Variants in IQCH observed in about 807,000 individuals in gnomAD.
IQCH encodes the protein IQ motif containing H.
IQCH carries 98 observed loss-of-function variants against 117.0 expected under a neutral mutation model. That is an observed-to-expected ratio of 0.84 (90% CI 0.71 to 0.99). The LOEUF is 0.99. IQCH is among the 50% of genes least tolerant of loss of function. The pLI is 0.00. For synonymous variants in IQCH, 412 were observed against 448.2 expected (o/e 0.92, Z 1.02); for missense variants, 1,102 against 1,243.8 (o/e 0.89, Z 1.72).
At chr15:67,379,070 T>C (rs1403616236) in intron 10 of IQCH, among the ~76,000 whole-genome samples, 1 of 152,208 alleles carries the variant, frequency 6.6e-6, no homozygotes, top group African/African-American at 2.4e-5. Context: ...ATAATTGTTT[T>C]CTAAAACAAA....
intron 4 of IQCH, among the ~76,000 whole-genome samples, chr15:67,303,182 G>T (rs1967136292): frequency 6.6e-6 from 1 of 152,124 alleles, no homozygotes; most frequent in Non-Finnish European, 1.5e-5. Flanking sequence ...TTTTTAAAAA[G>T]TTGCGAAGCC....
chr15:67,447,996 G>A lies in IQCH; in HGVS notation c.2506-17131G>A, dbSNP rs1030575616. ...TAGCAGGTATTTTCTACCCATACAT[G>A]GCAAAGCTTTTTAAGGTTTAGACTA... On this transcript the variant is annotated intron_variant, in intron 16 of 20. Transcript: ENST00000335894. The surrounding 1 kb of genome is among the most constrained non-coding windows in gnomAD (Gnocchi z 5.3). Among the ~76,000 whole-genome samples, 6 of 152,022 alleles carry A rather than the reference G, an allele frequency of 3.9e-5. No homozygotes were observed. Among genetic ancestry groups the A allele is most frequent in the Non-Finnish European group, 5.9e-5 (4 of 68,010 alleles).
chr15:67,498,888 TAA>T (rs763290460), intron 20 of IQCH, among the ~76,000 whole-genome samples: 33 of 152,208 alleles, frequency 2.2e-4, no homozygotes, highest in Admixed American at 4.6e-4. Flanking sequence ...ATATATCTGG[TAA>T]GGCATAGTAT....
At chr15:67,444,694 T>C (rs1215195293) in intron 16 of IQCH, among the ~76,000 whole-genome samples, 1 of 152,216 alleles carries the variant, frequency 6.6e-6, no homozygotes, top group Non-Finnish European at 1.5e-5. Context: ...TTCTTATAAT[T>C]AGCTTGATAA....
intron 4 of IQCH, among the ~76,000 whole-genome samples, chr15:67,333,576 A>AT (rs1968763576): frequency 6.6e-6 from 1 of 152,120 alleles, no homozygotes; most frequent in African/African-American, 2.4e-5. Flanking sequence ...TGTCTTTTGT[A>AT]TTTCTACACT....
At chr15:67,312,383 G>T (rs1294745527) in intron 4 of IQCH, among the ~76,000 whole-genome samples, 1 of 152,086 alleles carries the variant, frequency 6.6e-6, no homozygotes, top group African/African-American at 2.4e-5. Context: ...TTGCCAAAGG[G>T]GTTCACGACG....
At position 67,490,744 on chromosome 15, in the gene IQCH, T is replaced by C. The variant is rs2083628507; in HGVS notation, c.2861+680T>C. Among the ~76,000 whole-genome samples, 1 of 152,150 alleles carries C rather than the reference T, an allele frequency of 6.6e-6. No homozygotes were observed. Among genetic ancestry groups the C allele is most frequent in the Admixed American group, 6.5e-5 (1 of 15,272 alleles). On this transcript the variant is annotated intron_variant, in intron 19 of 20. Transcript: ENST00000335894. This position sits in a 1 kb window ranked among gnomAD's most constrained non-coding sequence, Gnocchi z 4.9. ...TCTGTGCTCTGGTGACTTCACACGATGTCCCCCTAACAGGCAGGATCTGTA... is the reference window on the plus strand; with the variant it reads ...TCTGTGCTCTGGTGACTTCACACGACGTCCCCCTAACAGGCAGGATCTGTA...
chr15:67,388,923 G>A lies in IQCH; in HGVS notation c.1549G>A (p.Val517Ile), dbSNP rs564940787. The A allele has an allele frequency of 1.7e-5, 28 of 1,613,754 alleles. No homozygotes were observed. Among genetic ancestry groups the A allele is most frequent in the Admixed American group, 5.0e-5 (3 of 60,008 alleles). The change falls in exon 12 of 21, where the codon GTC becomes ATC. Residue 517 changes from valine (V) to isoleucine (I), a missense_variant. Around this residue, in one of 2 missense-constraint regions of IQCH, gnomAD observed 650 missense variants for 794.3 expected, o/e 0.82. Transcript: ENST00000335894. This position sits in a 1 kb window ranked among gnomAD's most constrained non-coding sequence, Gnocchi z 5.5. ...YKKILSLHAA[V>I]KSGNLEDRSD... Reference sequence around the variant, plus strand: ...AAAAATCCTAAGTCTACATGCAGCCGTCAAATCTGGGAACCTTGAGGACAG... The same window carrying A: ...AAAAATCCTAAGTCTACATGCAGCCATCAAATCTGGGAACCTTGAGGACAG...
Position 67,395,631 on chromosome 15 carries a change from C to T in IQCH, c.1905+68C>T. ...ACATCCTCTTGATCTTGGACAATTT[C>T]CAAGTCTTCTGGAGCCAGACCTACC... On this transcript the variant is annotated intron_variant, in intron 13 of 20. Coordinates refer to ENST00000335894, the MANE Select transcript of IQCH (RefSeq NM_001031715.3). The surrounding 1 kb of genome is among the most constrained non-coding windows in gnomAD (Gnocchi z 4.0). 2.0e-6 allele frequency: 3 copies of T among 1,507,104 alleles called. No individual in the cohort carries two copies. Among genetic ancestry groups the T allele is most frequent in the African/African-American group, 2.8e-5 (2 of 72,590 alleles). The allele number at this position is 1,507,104 out of a possible 1,614,324, so 93.4% of individuals were successfully genotyped here.
intron 12 of IQCH, among the ~76,000 whole-genome samples, chr15:67,394,757 A>G (rs77494054): frequency 0.022 from 3,391 of 152,314 alleles, 49 homozygotes; most frequent in Middle Eastern, 0.041. Flanking sequence ...GCCTAGAACC[A>G]TGATAATCAT....
intron 16 of IQCH, among the ~76,000 whole-genome samples, chr15:67,438,212 C>G (rs939531243): frequency 3.3e-5 from 5 of 152,156 alleles, no homozygotes; most frequent in Non-Finnish European, 7.4e-5. Context: ...CAGCAGAAAC[C>G]CTACAAGCTA....
rs1038315736 is a variant in IQCH at position 67,459,154 on chromosome 15, A to C, written c.2506-5973A>C. ...CCTGATACCAAAAGCTGGGGCCTTT[A>C]GTGGGTCATTTATCCTGTCTGAAAT... On this transcript the variant is annotated intron_variant, in intron 16 of 20. Coordinates refer to ENST00000335894, the MANE Select transcript of IQCH (RefSeq NM_001031715.3). The surrounding 1 kb of genome is among the most constrained non-coding windows in gnomAD (Gnocchi z 4.2). Among the ~76,000 whole-genome samples, 1 of 152,162 alleles carries C rather than the reference A, an allele frequency of 6.6e-6. No homozygotes were observed. Among genetic ancestry groups the C allele is most frequent in the Non-Finnish European group, 1.5e-5 (1 of 68,034 alleles).
intron 3 of IQCH, among the ~76,000 whole-genome samples, chr15:67,273,044 T>A (rs576546156): frequency 6.6e-6 from 1 of 152,252 alleles, no homozygotes; most frequent in South Asian, 2.1e-4. Context: ...TATGTTTTAA[T>A]TCATTGCTTT....
rs1555487426 is a variant in IQCH at position 67,413,070 on chromosome 15, G to GGGGT, written c.2098-3860_2098-3859insGGTG. Among the ~76,000 whole-genome samples the GGGGT allele has an allele frequency of 1.6e-4, 24 of 147,960 alleles. 1 individual carries two copies. The South Asian group carries it at 4.8e-3, about 29-fold the overall frequency. Reference sequence around the variant, plus strand: ...ATTGGAGTGTTTGTCTGTTATGGAAGGTGTGTGTGTGTGTGTGTGTGTGTG... The same window carrying GGGGT: ...ATTGGAGTGTTTGTCTGTTATGGAAGGGGTGTGTGTGTGTGTGTGTGTGTGTGTG... On this transcript the variant is annotated intron_variant, in intron 14 of 20. Coordinates refer to ENST00000335894, the MANE Select transcript of IQCH (RefSeq NM_001031715.3). This position sits in a 1 kb window ranked among gnomAD's most constrained non-coding sequence, Gnocchi z 5.0.
At chr15:67,446,590 C>G (rs1167062853) in intron 16 of IQCH, among the ~76,000 whole-genome samples, 1 of 152,156 alleles carries the variant, frequency 6.6e-6, no homozygotes, top group Admixed American at 6.5e-5. Context: ...AGCAGCAGAG[C>G]CTGGACAGGT....
intron 3 of IQCH, among the ~76,000 whole-genome samples, chr15:67,269,215 A>G (rs1965801411): frequency 6.6e-6 from 1 of 152,168 alleles, no homozygotes. Context: ...ATATATTACT[A>G]TTTTTTCTTT....
At chr15:67,367,553 A>G (rs1970378263) in intron 8 of IQCH, among the ~76,000 whole-genome samples, 1 of 152,118 alleles carries the variant, frequency 6.6e-6, no homozygotes, top group African/African-American at 2.4e-5. Context: ...AATAATAATT[A>G]TCGTTCAGTT....
At chr15:67,446,522 G>T (rs2082395037) in intron 16 of IQCH, among the ~76,000 whole-genome samples, 3 of 152,108 alleles carry the variant, frequency 2.0e-5, no homozygotes, top group Admixed American at 6.5e-5. Flanking sequence ...CATCAAAGGG[G>T]GCCTGTTTGT....
At chr15:67,255,498 A>G (rs898023897) in intron 1 of IQCH, among the ~76,000 whole-genome samples, 1 of 152,252 alleles carries the variant, frequency 6.6e-6, no homozygotes, top group Non-Finnish European at 1.5e-5. Flanking sequence ...GAGAGGGGAA[A>G]TGTCAAGAAA....
Sources: allele counts gnomAD v4.1 joint callset (sites outside exome capture counted in the v4.1 genomes callset), GRCh38; gene constraint gnomAD v4.1.1; regional missense constraint gnomAD v4.1.1; non-coding constraint Gnocchi (gnomAD v3.1); transcripts MANE v1.5; gene names NCBI Gene and HGNC (gene_info 2026-07-23, HGNC 2026-07-21).